HTR2C: variants seen among roughly 807,000 people sequenced by gnomAD.
HTR2C encodes the protein 5-hydroxytryptamine receptor 2C, also known as 5-hydroxytryptamine (serotonin) receptor 2C, G protein-coupled.
In HTR2C, 5 loss-of-function variants were observed where a neutral mutation model predicts 21.0. That is an observed-to-expected ratio of 0.24 (90% CI 0.12 to 0.50). The LOEUF (loss-of-function observed/expected upper bound fraction) is 0.50. HTR2C is among the 20% of genes least tolerant of loss of function. The pLI, the probability that HTR2C is intolerant of heterozygous loss-of-function variation, is 0.98. For missense variants in HTR2C, 271 were observed against 371.2 expected (o/e 0.73, Z 2.22); for synonymous variants, 150 against 145.3 (o/e 1.03, Z -0.23).
At position 114,809,389 on chromosome X, in the gene HTR2C, G is replaced by GTTTTT. The variant is rs148594275; in HGVS notation, c.350-38612_350-38611insTTTTT. ...GCTGCCAGTCCAGTGCCTTTTTTTT[G>GTTTTT]TTGTTTTTTTTTTGACAGAGTTTCG... On this transcript the variant is annotated intron_variant, in intron 4 of 5. Transcript: ENST00000276198. Among the ~76,000 whole-genome samples, 2 of 98,747 alleles carry GTTTTT rather than the reference G, an allele frequency of 2.0e-5. 1 individual carries two copies. The highest frequency in any genetic ancestry group is 4.0e-5 in the Non-Finnish European group (2 of 49,638). The allele number at this position is 98,747 out of a possible 115,157, so 85.7% of individuals were successfully genotyped here. A position where few individuals can be genotyped will look rare whatever the true frequency, so the allele number is the denominator to read the frequency against.
At chrX:114,778,299 A>G (rs781984469) in intron 4 of HTR2C, among the ~76,000 whole-genome samples, 1 of 111,960 alleles carries the variant, frequency 8.9e-6, no homozygotes, top group South Asian at 3.7e-4. Flanking sequence ...CCACATTAGC[A>G]GGGAAATAGC....
chrX:114,869,723 G>T (rs1160728363), intron 5 of HTR2C, among the ~76,000 whole-genome samples: 1 of 111,858 alleles, frequency 8.9e-6, no homozygotes, highest in Admixed American at 9.5e-5. Context: ...GTGACAGTGG[G>T]CATCCTTGTT....
intron 4 of HTR2C, among the ~76,000 whole-genome samples, chrX:114,761,990 CT>C (rs1556432651): frequency 0.071 from 689 of 9,714 alleles, 189 homozygotes; most frequent in East Asian, 0.39. Flanking sequence ...TGTATATATA[CT>C]ATATATACAC....
intron 2 of HTR2C, among the ~76,000 whole-genome samples, chrX:114,636,185 T>C: frequency 9.2e-6 from 1 of 108,469 alleles, no homozygotes; most frequent in Admixed American, 1.0e-4. Context: ...ACAGGAAAGG[T>C]CATGCTCCCT....
chrX:114,768,870 T>C (rs1027539534), intron 4 of HTR2C, among the ~76,000 whole-genome samples: 1 of 111,371 alleles, frequency 9.0e-6, no homozygotes, highest in Non-Finnish European at 1.9e-5. Flanking sequence ...AGACTGTACT[T>C]AATTCTGGTG....
chrX:114,731,233 A>T, intron 3 of HTR2C, 61 bp from the exon 4 acceptor site: 1 of 805,680 alleles, frequency 1.2e-6, no homozygotes, highest in Non-Finnish European at 1.8e-6. Context: ...TGCATGAGCA[A>T]CGTATTGTGT....
intron 5 of HTR2C, among the ~76,000 whole-genome samples, chrX:114,858,677 T>A (rs1222541834): frequency 8.1e-5 from 9 of 111,268 alleles, no homozygotes; most frequent in Admixed American, 7.7e-4. Flanking sequence ...AAAATTTTTT[T>A]AATTAATTGT....
At chrX:114,794,082 A>G (rs890725168) in intron 4 of HTR2C, among the ~76,000 whole-genome samples, 30 of 111,366 alleles carry the variant, frequency 2.7e-4, no homozygotes, top group African/African-American at 9.5e-4. Context: ...ACAACTTTAA[A>G]AGTCTATGCT....
At chrX:114,890,394 A>C (rs911791535) in intron 5 of HTR2C, among the ~76,000 whole-genome samples, 5 of 111,991 alleles carry the variant, frequency 4.5e-5, no homozygotes, top group African/African-American at 1.3e-4. Flanking sequence ...AAATAAAAAG[A>C]GTTTTACCTT....
intron 2 of HTR2C, among the ~76,000 whole-genome samples, chrX:114,679,513 A>G (rs142008052): frequency 0.011 from 1,198 of 110,644 alleles, 4 homozygotes; most frequent in Non-Finnish European, 0.017. Flanking sequence ...TCCCGGACTC[A>G]AGTCATCTGC....
chrX:114,644,600 T>C (rs947240057), intron 2 of HTR2C, among the ~76,000 whole-genome samples: 3 of 106,406 alleles, frequency 2.8e-5, no homozygotes, highest in Non-Finnish European at 5.8e-5. Flanking sequence ...TAGATTGGTC[T>C]TACCTCTTTA....
In HTR2C at chrX:114,906,789, G is replaced by A. The variant is rs782100644; in HGVS notation, c.751G>A (p.Gly251Ser). 3 of 1,208,610 alleles carry A rather than the reference G, an allele frequency of 2.5e-6. No homozygotes were observed. Among genetic ancestry groups the A allele is most frequent in the Non-Finnish European group, 3.4e-6 (3 of 894,873 alleles). ...CCGACAAGCTTTGATGTTACTGCAC[G>A]GCCACACCGAGGAACCGCCTGGACT... ...LRRQALMLLHGHTEEPPGLSL... is the reference protein window; with the variant it reads ...LRRQALMLLHSHTEEPPGLSL... Residue 251 changes from glycine (G) to serine (S), a missense_variant, in exon 6 of 6, where the codon GGC (glycine) becomes AGC (serine). Physicochemically the swap from Gly to Ser is moderately conservative, Grantham distance 56. This residue lies in a region of HTR2C where 192 missense variants were observed against 247.2 expected (regional missense o/e 0.78). Transcript: ENST00000276198.
chrX:114,867,800 A>C (rs1556475091), intron 5 of HTR2C, among the ~76,000 whole-genome samples: 1 of 111,590 alleles, frequency 9.0e-6, no homozygotes, highest in Non-Finnish European at 1.9e-5. Context: ...ATCTTTGTGA[A>C]GAATGAGTTC....
At chrX:114,612,776 G>A (rs911679977) in intron 1 of HTR2C, among the ~76,000 whole-genome samples, 1 of 111,085 alleles carries the variant, frequency 9.0e-6, no homozygotes, top group Admixed American at 9.6e-5. Context: ...ATGGGGTCCG[G>A]ATCCAGACCC....
chrX:114,757,371 A>T (rs2069823545), intron 4 of HTR2C, among the ~76,000 whole-genome samples: 1 of 111,927 alleles, frequency 8.9e-6, no homozygotes, highest in South Asian at 3.7e-4. Flanking sequence ...ATAGAATTGT[A>T]ATTTTTTTGT....
intron 5 of HTR2C, among the ~76,000 whole-genome samples, chrX:114,864,097 T>C (rs1193137545): frequency 9.1e-6 from 1 of 110,228 alleles, no homozygotes. Context: ...AGCCACTCTG[T>C]TTTTTGATAA....
At chrX:114,871,404 G>GT (rs1463079631) in intron 5 of HTR2C, among the ~76,000 whole-genome samples, 1 of 111,890 alleles carries the variant, frequency 8.9e-6, no homozygotes, top group East Asian at 2.8e-4. Flanking sequence ...TGCAGTTCTT[G>GT]GATGTAATGT....
intron 4 of HTR2C, among the ~76,000 whole-genome samples, chrX:114,755,134 G>A (rs2069799360): frequency 9.1e-6 from 1 of 109,637 alleles, no homozygotes; most frequent in Non-Finnish European, 1.9e-5. Flanking sequence ...CAGTTACTTG[G>A]GAGGCTGAGG....
intron 2 of HTR2C, among the ~76,000 whole-genome samples, chrX:114,698,408 G>A (rs984801681): frequency 1.4e-4 from 15 of 109,052 alleles, no homozygotes; most frequent in Non-Finnish European, 2.3e-4. Context: ...ATTGAAATGC[G>A]TTGTTCTGTG....
Sources: allele counts gnomAD v4.1 joint callset (sites outside exome capture counted in the v4.1 genomes callset), GRCh38; gene constraint gnomAD v4.1.1; regional missense constraint gnomAD v4.1.1; transcripts MANE v1.5; gene names NCBI Gene and HGNC (gene_info 2026-07-23, HGNC 2026-07-21).